Variants in HSP90AA1 observed in about 807,000 individuals in gnomAD.
HSP90AA1 encodes the protein heat shock protein HSP 90-alpha.
Under a neutral mutation model 73.3 loss-of-function variants are expected in HSP90AA1, and 18 were observed. The observed-to-expected ratio is 0.25, with a 90% CI of 0.17 to 0.36. The LOEUF is 0.36. Ranked by LOEUF, HSP90AA1 falls within the 10% of genes least tolerant of loss-of-function variation. HSP90AA1 has a pLI of 1.00. For synonymous variants in HSP90AA1, 477 were observed against 296.9 expected, an observed-to-expected ratio of 1.61 and a Z score of -6.24; for missense variants, 704 against 874.2, an observed-to-expected ratio of 0.81 and a Z score of 2.45.
At chr14:102,135,351 G>GC in intron 1 of HSP90AA1, among the ~76,000 whole-genome samples, 1 of 152,152 alleles carries the variant, frequency 6.6e-6, no homozygotes, top group South Asian at 2.1e-4. Flanking sequence ...GTTCTCCAAG[G>GC]CCCCACCAGA....
At chr14:102,110,131 C>T (rs980396698) in intron 1 of HSP90AA1, among the ~76,000 whole-genome samples, 2 of 151,950 alleles carry the variant, frequency 1.3e-5, no homozygotes, top group African/African-American at 4.8e-5. Flanking sequence ...GACAGGGTTT[C>T]ACCATATTGG....
chr14:102,115,409 A>G (rs963204061), intron 1 of HSP90AA1, among the ~76,000 whole-genome samples: 2 of 152,208 alleles, frequency 1.3e-5, no homozygotes, highest in African/African-American at 4.8e-5. Flanking sequence ...ATTTGCAAGG[A>G]TTTATGTAAG....
intron 1 of HSP90AA1, among the ~76,000 whole-genome samples, chr14:102,121,204 A>G (rs1028823700): frequency 6.6e-6 from 1 of 151,794 alleles, no homozygotes; most frequent in East Asian, 1.9e-4. Context: ...CCAGGCCTGT[A>G]TTTTTCATTT....
intron 1 of HSP90AA1, among the ~76,000 whole-genome samples, chr14:102,117,729 T>G (rs991079886): frequency 6.6e-6 from 1 of 152,116 alleles, no homozygotes; most frequent in African/African-American, 2.4e-5. Context: ...CTAAAAGAAC[T>G]GTAACACAAA....
chr14:102,104,149 G>A (rs2049532424), intron 1 of HSP90AA1, among the ~76,000 whole-genome samples: 1 of 152,096 alleles, frequency 6.6e-6, no homozygotes, highest in African/African-American at 2.4e-5. Flanking sequence ...GATCATGAAT[G>A]GAGTTGGTTT....
intron 1 of HSP90AA1, among the ~76,000 whole-genome samples, chr14:102,107,650 T>C (rs534324700): frequency 2.2e-4 from 33 of 152,124 alleles, no homozygotes; most frequent in South Asian, 2.1e-3. Flanking sequence ...GAAGCACATT[T>C]TCCACAAGCA....
intron 1 of HSP90AA1, among the ~76,000 whole-genome samples, chr14:102,134,639 G>A (rs2049957816): frequency 6.6e-6 from 1 of 152,046 alleles, no homozygotes; most frequent in African/African-American, 2.4e-5. Context: ...CAGCTCCTAA[G>A]GCAGCACGTC....
Position 102,084,783 on chromosome 14 carries a change from T to G in HSP90AA1, c.879A>C (p.Thr293=), listed in dbSNP as rs1566719917. 6.2e-7 allele frequency: 1 copy of G among 1,614,002 alleles called. No homozygotes were observed. The highest frequency in any genetic ancestry group is 1.1e-5 in the South Asian group (1 of 91,082). The change falls in exon 5 of 11, where the codon ACA becomes ACC. Residue 293 remains threonine, a synonymous_variant. Transcript: ENST00000216281. ...KYIDQEELNK[T]KPIWTRNPDD... is the part of the protein sequence containing the mutation. ...CGGGATTTCTGGTCCAGATGGGCTT[T>G]GTTTTGTTGAGCTCTTCTTGATCGA... is the stretch of plus-strand genomic sequence containing the variant.
chr14:102,125,086 G>A (rs2049824362), intron 1 of HSP90AA1, among the ~76,000 whole-genome samples: 1 of 152,052 alleles, frequency 6.6e-6, no homozygotes, highest in African/African-American at 2.4e-5. Context: ...CAAACTCCTG[G>A]GTTCAAGCGA....
intron 1 of HSP90AA1, among the ~76,000 whole-genome samples, chr14:102,113,287 G>C (rs924828209): frequency 1.3e-5 from 2 of 152,086 alleles, no homozygotes; most frequent in Non-Finnish European, 2.9e-5. Flanking sequence ...GCCTCCCAAA[G>C]TACTGGGATT....
chr14:102,135,860 C>G (rs1312078410), intron 1 of HSP90AA1, among the ~76,000 whole-genome samples: 3 of 152,248 alleles, frequency 2.0e-5, no homozygotes, highest in African/African-American at 4.8e-5. Context: ...CCGCAAGAGC[C>G]GCACGCAGCC....
chr14:102,087,457 T>C (rs1325094505), upstream of HSP90AA1, among the ~76,000 whole-genome samples: 2 of 151,832 alleles, frequency 1.3e-5, no homozygotes, highest in Admixed American at 1.3e-4. Flanking sequence ...TCACCCGGGC[T>C]GAGCGGAACG....
intron 1 of HSP90AA1, among the ~76,000 whole-genome samples, chr14:102,112,483 T>A (rs2049654690): frequency 6.6e-6 from 1 of 151,982 alleles, no homozygotes; most frequent in Non-Finnish European, 1.5e-5. Flanking sequence ...TCTCCCTTTT[T>A]TTTTGTTTTA....
chr14:102,083,474 T>A, intron 8 of HSP90AA1, 72 bp downstream of exon 8: 3 of 1,490,562 alleles, frequency 2.0e-6, no homozygotes, highest in Middle Eastern at 1.9e-4. Flanking sequence ...GCTACCTGAG[T>A]AGAAAACACA....
At chr14:102,105,392 G>T (rs951079721) in intron 1 of HSP90AA1, among the ~76,000 whole-genome samples, 2 of 152,076 alleles carry the variant, frequency 1.3e-5, no homozygotes, top group African/African-American at 4.8e-5. Flanking sequence ...TAGCCTCAGG[G>T]AGTTATGGGG....
intron 1 of HSP90AA1, among the ~76,000 whole-genome samples, chr14:102,121,741 G>A (rs2049780727): frequency 6.6e-6 from 1 of 152,102 alleles, no homozygotes; most frequent in Admixed American, 6.5e-5. Flanking sequence ...ATTCTTTCTA[G>A]GCATGACAGG....
At chr14:102,090,936 G>T (rs373375182), upstream of HSP90AA1, among the ~76,000 whole-genome samples, 1 of 152,216 alleles carries the variant, frequency 6.6e-6, no homozygotes, top group Non-Finnish European at 1.5e-5. Context: ...CCTGGATTCA[G>T]ATCTTAGCTC....
intron 1 of HSP90AA1, among the ~76,000 whole-genome samples, chr14:102,126,119 G>A (rs2049835809): frequency 6.6e-6 from 1 of 152,176 alleles, no homozygotes; most frequent in Admixed American, 6.6e-5. Flanking sequence ...GTTGAAAAGT[G>A]AGGGATGAAT....
chr14:102,096,875 G>A (rs764685636), intron 2 of HSP90AA1, among the ~76,000 whole-genome samples: 2 of 152,148 alleles, frequency 1.3e-5, no homozygotes, highest in Admixed American at 6.6e-5. Flanking sequence ...AGGAAAGTGA[G>A]AATTATGTGA....
Sources: gnomAD v4.1 joint callset for allele counts (sites outside exome capture counted in the v4.1 genomes callset) on GRCh38, gnomAD v4.1.1 for gene constraint, MANE v1.5 for transcripts, NCBI Gene and HGNC (gene_info 2026-07-23, HGNC 2026-07-21) for gene names.